The following NMT1 variants were observed in gnomAD, a reference collection of about 807,000 sequenced individuals.
NMT1 encodes the protein glycylpeptide N-tetradecanoyltransferase 1.
Under a neutral mutation model 63.4 loss-of-function variants are expected in NMT1, and 12 were observed. The ratio of observed to expected loss-of-function variants is 0.19; its 90% CI spans 0.12 to 0.31. The LOEUF (loss-of-function observed/expected upper bound fraction) is 0.31. Among genes scored for constraint, NMT1 ranks in the 10% least tolerant of loss-of-function variants. The pLI is 1.00. For missense variants in NMT1, 432 were observed against 634.6 expected (o/e 0.68, Z 3.43); for synonymous variants, 228 against 234.3 (o/e 0.97, Z 0.25).
intron 1 of NMT1, among the ~76,000 whole-genome samples, chr17:45,065,662 C>T (rs1478480541): frequency 1.3e-5 from 2 of 150,436 alleles, no homozygotes; most frequent in Non-Finnish European, 3.0e-5. Context: ...CTACAGAAAC[C>T]AGGAAGCTCC....
intron 1 of NMT1, among the ~76,000 whole-genome samples, chr17:45,077,767 A>G (rs1295063340): frequency 6.6e-6 from 1 of 152,216 alleles, no homozygotes; most frequent in African/African-American, 2.4e-5. Context: ...TAGGAAAACC[A>G]CAGAGTTGTC....
intron 3 of NMT1, among the ~76,000 whole-genome samples, chr17:45,092,798 A>G (rs1029668056): frequency 6.6e-6 from 1 of 152,130 alleles, no homozygotes; most frequent in African/African-American, 2.4e-5. Flanking sequence ...TGCCTAGTCT[A>G]TACAGAGCCC....
chr17:45,079,261 C>T (rs905433147), intron 1 of NMT1, among the ~76,000 whole-genome samples: 3 of 152,008 alleles, frequency 2.0e-5, no homozygotes, highest in Non-Finnish European at 2.9e-5. Context: ...CATGCCTCCA[C>T]GCCTGGCTAA....
chr17:45,062,775 A>G lies in NMT1; in HGVS notation c.131+1315A>G, dbSNP rs77479804. 1.9e-4 allele frequency among the ~76,000 whole-genome samples: 29 copies of G among 152,336 alleles called. 1 individual carries two copies. The East Asian group carries it at 3.7e-3, about 19-fold the overall frequency. ...TGTAAGTACACCCTATAATGTTGGC[A>G]AGGCAAAAATCACCTAACCATGCAT... On this transcript the variant is annotated intron_variant, in intron 1 of 11. Transcript: ENST00000258960.
At chr17:45,100,304 C>T (rs1322610913) in intron 8 of NMT1, among the ~76,000 whole-genome samples, 4 of 152,032 alleles carry the variant, frequency 2.6e-5, no homozygotes, top group East Asian at 2.0e-4. Context: ...CAGTGGCTCA[C>T]GCCTGTAATC....
At chr17:45,095,453 C>T (rs2054118965) in intron 4 of NMT1, among the ~76,000 whole-genome samples, 1 of 152,084 alleles carries the variant, frequency 6.6e-6, no homozygotes, top group South Asian at 2.1e-4. Flanking sequence ...ATGGAGATAG[C>T]TGAGAAGGCA....
At chr17:45,092,768 CAGTAA>C (rs1291495758) in intron 3 of NMT1, among the ~76,000 whole-genome samples, 5 of 151,316 alleles carry the variant, frequency 3.3e-5, no homozygotes, top group Non-Finnish European at 7.4e-5. Flanking sequence ...GTCTGAAAGT[CAGTAA>C]AAGCATGAAT....
In NMT1 at chr17:45,075,778, C is replaced by CAA. The variant is rs1394360502; in HGVS notation, c.132-5860_132-5859dup. Among the ~76,000 whole-genome samples, 3 of 151,004 alleles carry CAA rather than the reference C, an allele frequency of 2.0e-5. No homozygotes were observed. The East Asian group carries it at 5.9e-4, about 29-fold the overall frequency. Reference sequence around the variant, plus strand: ...AGCAAGACTCCGTCTCAAAACAAAACAAAAAAAGAGGCCAGGCACGGTGGC... The same window carrying CAA: ...AGCAAGACTCCGTCTCAAAACAAAACAAAAAAAAAGAGGCCAGGCACGGTGGC... On this transcript the variant is annotated intron_variant, in intron 1 of 11. Coordinates refer to ENST00000258960, the MANE Select transcript of NMT1 (RefSeq NM_021079.5).
Position 45,105,835 on chromosome 17 carries a change from C to T in NMT1, c.*196C>T, listed in dbSNP as rs548069555. 8 of 567,236 alleles carry T rather than the reference C, an allele frequency of 1.4e-5. No individual in the cohort carries two copies. Among genetic ancestry groups the T allele is most frequent in the South Asian group, 8.9e-5 (4 of 44,724 alleles). The allele number at this position is 567,236 out of a possible 1,614,324, so 35.1% of individuals were successfully genotyped here. On this transcript the variant is annotated 3_prime_UTR_variant, in exon 12 of 12. Transcript: ENST00000258960. This position sits in a 1 kb window ranked among gnomAD's most constrained non-coding sequence, Gnocchi z 4.2. ...TGGGCTGCGTGACGTCACCTCCGGT[C>T]GTGTCTCTGGTCTCCGTGTTTTCCA...
intron 1 of NMT1, among the ~76,000 whole-genome samples, chr17:45,070,008 A>C (rs763337579): frequency 6.6e-6 from 1 of 152,160 alleles, no homozygotes; most frequent in Non-Finnish European, 1.5e-5. Flanking sequence ...GTCAAAGTCT[A>C]ACTCGCCAAA....
At chr17:45,071,864 G>A (rs1434827839) in intron 1 of NMT1, among the ~76,000 whole-genome samples, 1 of 152,186 alleles carries the variant, frequency 6.6e-6, no homozygotes, top group Non-Finnish European at 1.5e-5. Flanking sequence ...TTCCTCAGTA[G>A]CTGGGACTAC....
intron 4 of NMT1, among the ~76,000 whole-genome samples, chr17:45,095,017 T>A (rs1459884402): frequency 6.6e-6 from 1 of 151,478 alleles, no homozygotes; most frequent in Non-Finnish European, 1.5e-5. Flanking sequence ...TTCACTGTGT[T>A]GGCCAGTCTG....
At chr17:45,101,527 C>T (rs1943496957) in intron 8 of NMT1, among the ~76,000 whole-genome samples, 1 of 139,542 alleles carries the variant, frequency 7.2e-6, no homozygotes, top group Non-Finnish European at 1.5e-5. Flanking sequence ...GCTGAGGCAG[C>T]AGAGTTGCTT....
chr17:45,066,751 G>C (rs1473581616), intron 1 of NMT1, among the ~76,000 whole-genome samples: 1 of 152,114 alleles, frequency 6.6e-6, no homozygotes, highest in African/African-American at 2.4e-5. Context: ...GCCTCGCTCT[G>C]TCGTCCAGGC....
Position 45,093,331 on chromosome 17 carries a change from G to A in NMT1, c.386-354G>A, listed in dbSNP as rs188311835. ...GACTCCTTACAAACCCATCCAGACT[G>A]ATGGGCCTGGGCCAGGGCCCTGACA... On this transcript the variant is annotated intron_variant, in intron 3 of 11. Coordinates refer to ENST00000258960, the MANE Select transcript of NMT1 (RefSeq NM_021079.5). Among the ~76,000 whole-genome samples the A allele has an allele frequency of 9.8e-5, 15 of 152,376 alleles. 1 individual carries two copies. The East Asian group carries it at 2.9e-3, about 29-fold the overall frequency.
intron 1 of NMT1, among the ~76,000 whole-genome samples, chr17:45,067,674 C>A (rs1347407053): frequency 6.6e-6 from 1 of 151,332 alleles, no homozygotes; most frequent in Non-Finnish European, 1.5e-5. Flanking sequence ...TTTTTAATTT[C>A]TCCCTTCAAC....
At chr17:45,079,365 G>A (rs958995872) in intron 1 of NMT1, among the ~76,000 whole-genome samples, 1 of 152,096 alleles carries the variant, frequency 6.6e-6, no homozygotes, top group Admixed American at 6.5e-5. Context: ...GCTTCCCAAA[G>A]TGCTGGGATT....
chr17:45,067,393 AAG>A (rs754689620), intron 1 of NMT1, among the ~76,000 whole-genome samples: 10 of 152,196 alleles, frequency 6.6e-5, no homozygotes, highest in Non-Finnish European at 1.5e-4. Flanking sequence ...GCCCTCTGAC[AAG>A]AGGTGTCTCA....
rs955683670 is a variant in NMT1, at chr17:45,106,225, G to A, written c.*586G>A. 1 of 152,636 alleles carries A rather than the reference G, an allele frequency of 6.6e-6. No individual in the cohort carries two copies. The highest frequency in any genetic ancestry group is 1.5e-5 in the Non-Finnish European group (1 of 68,040). 9.5% of individuals were successfully genotyped at this position (152,636 alleles called of 1,614,324 possible). On this transcript the variant is annotated 3_prime_UTR_variant, in exon 12 of 12. Coordinates refer to ENST00000258960, the MANE Select transcript of NMT1 (RefSeq NM_021079.5). ...GGATGACTGGCTTTGAGAAGGAAGG[G>A]AAGATGGAACAGGCTCAGATCTCAT...
Sources: allele counts gnomAD v4.1 joint callset (sites outside exome capture counted in the v4.1 genomes callset), GRCh38; gene constraint gnomAD v4.1.1; non-coding constraint Gnocchi (gnomAD v3.1); transcripts MANE v1.5; gene names NCBI Gene and HGNC (gene_info 2026-07-23, HGNC 2026-07-21).